Variants in JARID2 observed in about 807,000 individuals in gnomAD.
JARID2 encodes jumonji and AT-rich interaction domain containing 2, also known as protein Jumonji.
Under a neutral mutation model 125.6 loss-of-function variants are expected in JARID2, and 21 were observed. The observed-to-expected ratio is 0.17, with a 90% CI of 0.12 to 0.24. The LOEUF is 0.24. JARID2 is among the 10% of genes least tolerant of loss of function. The probability of loss-of-function intolerance (pLI) is 1.00; values close to 1 mark genes in which losing one functional copy is unlikely to be tolerated. For synonymous variants in JARID2, 736 were observed against 661.6 expected, an observed-to-expected ratio of 1.11 and a Z score of -1.73; for missense variants, 1,303 against 1,639.6, an observed-to-expected ratio of 0.79 and a Z score of 3.55.
chr6:15,306,932 A>G (rs1663999790), intron 1 of JARID2, among the ~76,000 whole-genome samples: 1 of 148,270 alleles, frequency 6.7e-6, no homozygotes, highest in Non-Finnish European at 1.5e-5. Context: ...TGTATATTAT[A>G]TATATATTTT....
chr6:15,360,228 G>C (rs1307563650), intron 1 of JARID2, among the ~76,000 whole-genome samples: 3 of 151,926 alleles, frequency 2.0e-5, no homozygotes, highest in South Asian at 4.2e-4. Context: ...TGTAGCCCAG[G>C]CTGAAGTGCA....
intron 1 of JARID2, among the ~76,000 whole-genome samples, chr6:15,345,822 G>A (rs550040889): frequency 1.3e-5 from 2 of 152,294 alleles, no homozygotes; most frequent in Admixed American, 6.5e-5. Context: ...GTCTGTTACT[G>A]GGTCATTGAG....
At chr6:15,326,312 A>C (rs909803052) in intron 1 of JARID2, among the ~76,000 whole-genome samples, 11 of 151,846 alleles carry the variant, frequency 7.2e-5, no homozygotes, top group Admixed American at 2.6e-4. Context: ...CTTATGCAAT[A>C]CTCTCGCCTC....
intron 9 of JARID2, 31 bp downstream of exon 9, chr6:15,504,623 C>CA (rs778698817): frequency 1.4e-6 from 2 of 1,455,798 alleles, no homozygotes; most frequent in Non-Finnish European, 1.9e-6. Flanking sequence ...CGCTGCCTCT[C>CA]ATGGTGTGGG....
intron 2 of JARID2, chr6:15,400,931 G>A (rs1271367805): frequency 7.8e-7 from 1 of 1,289,384 alleles, no homozygotes; most frequent in South Asian, 1.2e-5. Context: ...CTGTCTCTCT[G>A]CAATGATCCG....
chr6:15,507,005 T>G, intron 9 of JARID2, 131 bp from the exon 10 acceptor site: 1 of 659,964 alleles, frequency 1.5e-6, no homozygotes, highest in Non-Finnish European at 2.8e-6. Context: ...CTGGAGACAC[T>G]CTGCAAAGAG....
At chr6:15,418,273 A>G (rs1486436771) in intron 3 of JARID2, among the ~76,000 whole-genome samples, 2 of 138,422 alleles carry the variant, frequency 1.4e-5, no homozygotes, top group Admixed American at 1.6e-4. Context: ...GCTGGAGTGC[A>G]GTGGCATGAT....
At chr6:15,404,943 A>G (rs910035356) in intron 2 of JARID2, among the ~76,000 whole-genome samples, 1 of 152,220 alleles carries the variant, frequency 6.6e-6, no homozygotes, top group African/African-American at 2.4e-5. Flanking sequence ...CTTTGTGTCT[A>G]AAACATCATA....
At chr6:15,347,914 G>C (rs1322314396) in intron 1 of JARID2, among the ~76,000 whole-genome samples, 3 of 152,052 alleles carry the variant, frequency 2.0e-5, no homozygotes, top group African/African-American at 7.2e-5. Context: ...ACCATGCCCA[G>C]TTGATTTTAA....
intron 5 of JARID2, among the ~76,000 whole-genome samples, chr6:15,485,975 G>C (rs1200048277): frequency 6.6e-6 from 1 of 152,224 alleles, no homozygotes; most frequent in Non-Finnish European, 1.5e-5. Context: ...CTGCTGCTGT[G>C]GGGGTGAGGG....
intron 5 of JARID2, among the ~76,000 whole-genome samples, chr6:15,469,394 T>TTCCCCCTC (rs1561884848): frequency 2.4e-4 from 3 of 12,606 alleles, no homozygotes; most frequent in African/African-American, 6.6e-4. Context: ...CTCTCCCCCT[T>TTCCCCCTC]TCCCCCTCTC....
chr6:15,334,819 A>G (rs1457994823), intron 1 of JARID2, among the ~76,000 whole-genome samples: 3 of 152,212 alleles, frequency 2.0e-5, no homozygotes, highest in African/African-American at 4.8e-5. Flanking sequence ...TTCCTGTTCA[A>G]AACTACTACT....
intron 1 of JARID2, among the ~76,000 whole-genome samples, chr6:15,286,690 C>G (rs1326285988): frequency 6.6e-6 from 1 of 151,774 alleles, no homozygotes; most frequent in African/African-American, 2.4e-5. Flanking sequence ...GAAACCCCGT[C>G]TCTAATAAAA....
intron 3 of JARID2, among the ~76,000 whole-genome samples, chr6:15,419,806 T>A (rs1435276678): frequency 6.6e-6 from 1 of 152,224 alleles, no homozygotes; most frequent in Non-Finnish European, 1.5e-5. Flanking sequence ...TTGAATCCCT[T>A]ACTGGTTTTA....
At chr6:15,394,730 T>C (rs914586200) in intron 2 of JARID2, among the ~76,000 whole-genome samples, 2 of 151,992 alleles carry the variant, frequency 1.3e-5, no homozygotes, top group Non-Finnish European at 2.9e-5. Flanking sequence ...GAGCAGGTGC[T>C]CTCTAGGCAG....
Position 15,491,502 on chromosome 6 carries a change from A to T in JARID2, c.906+3960A>T, listed in dbSNP as rs1022326001. On this transcript the variant is annotated intron_variant, in intron 6 of 17. Coordinates refer to ENST00000341776, the MANE Select transcript of JARID2 (RefSeq NM_004973.4). ...GCAAATGGACTACCCCCAGCCACCA[A>T]CTGTTTCTCTCTCTGGGCCTCTGGT... 2.6e-5 allele frequency among the ~76,000 whole-genome samples: 4 copies of T among 152,166 alleles called. No homozygotes were observed. The South Asian group carries it at 8.3e-4, about 31-fold the overall frequency.
At chr6:15,415,459 C>CA in intron 3 of JARID2, among the ~76,000 whole-genome samples, 1 of 147,296 alleles carries the variant, frequency 6.8e-6, no homozygotes, top group African/African-American at 2.5e-5. Flanking sequence ...ACCCCCACCT[C>CA]CCTCCCGCAC....
At chr6:15,392,755 G>C (rs1047855504) in intron 2 of JARID2, among the ~76,000 whole-genome samples, 2 of 146,274 alleles carry the variant, frequency 1.4e-5, no homozygotes, top group Non-Finnish European at 3.0e-5. Flanking sequence ...TGCGGTCTTC[G>C]CTCATTGTAA....
chr6:15,432,135 G>A (rs1766992133), intron 3 of JARID2, among the ~76,000 whole-genome samples: 1 of 151,768 alleles, frequency 6.6e-6, no homozygotes, highest in Admixed American at 6.6e-5. Context: ...TGAAACGAAA[G>A]TACACTCTAC....
Sources: allele counts gnomAD v4.1 joint callset (sites outside exome capture counted in the v4.1 genomes callset), GRCh38; gene constraint gnomAD v4.1.1; transcripts MANE v1.5; gene names NCBI Gene and HGNC (gene_info 2026-07-23, HGNC 2026-07-21).